Variants in SRPRA observed in about 807,000 individuals in gnomAD.
The protein encoded by SRPRA is signal recognition particle receptor subunit alpha.
A neutral mutation model predicts 61.1 loss-of-function variants in SRPRA; 30 were observed. The ratio of observed to expected loss-of-function variants is 0.49; its 90% confidence interval spans 0.37 to 0.67. The LOEUF is 0.67. SRPRA is among the 30% of genes least tolerant of loss of function. SRPRA has a pLI of 0.00. For synonymous variants in SRPRA, 324 were observed against 299.7 expected (o/e 1.08, Z -0.84); for missense variants, 759 against 828.4 (o/e 0.92, Z 1.03).
At chr11:126,242,437 A>T in the SRPRA span, among the ~76,000 whole-genome samples, 4 of 152,356 alleles carry the variant, frequency 2.6e-5, no homozygotes, top group East Asian at 5.8e-4. Context: ...CAAAAGAAAA[A>T]AAAAAGTGAA....
At position 126,264,133 on chromosome 11, in the gene SRPRA, T is replaced by C. The variant is rs749918855; in HGVS notation, c.1788+58A>G. The C allele has an allele frequency of 3.9e-5, 63 of 1,611,970 alleles. No individual in the cohort carries two copies. The highest frequency in any genetic ancestry group is 5.1e-5 in the Non-Finnish European group (60 of 1,178,650). Reference sequence around the variant, plus strand: ...AGGAAGCGCTGGAGCCAAGATTTCCTTGCAGCCTCAGCTCCTTTGTGCAGG... The same window carrying C: ...AGGAAGCGCTGGAGCCAAGATTTCCCTGCAGCCTCAGCTCCTTTGTGCAGG... On this transcript the variant is annotated intron_variant, in intron 13 of 13. Coordinates refer to ENST00000332118, the MANE Select transcript of SRPRA (RefSeq NM_003139.4). The surrounding 1 kb of genome is among the most constrained non-coding windows in gnomAD (Gnocchi z 5.0).
the SRPRA span, among the ~76,000 whole-genome samples, chr11:126,240,394 T>C: frequency 6.6e-6 from 1 of 152,154 alleles, no homozygotes; most frequent in East Asian, 1.9e-4. Flanking sequence ...GGGGTTCTTT[T>C]CTCTTTTTCT....
downstream of SRPRA, among the ~76,000 whole-genome samples, chr11:126,258,185 CAGG>C (rs1038660294): frequency 3.3e-5 from 5 of 152,124 alleles, no homozygotes; most frequent in African/African-American, 1.2e-4. Context: ...CACTTGAGGC[CAGG>C]AGTTCAAGAT....
At chr11:126,239,236 T>G in the SRPRA span, among the ~76,000 whole-genome samples, 1 of 152,180 alleles carries the variant, frequency 6.6e-6, no homozygotes, top group African/African-American at 2.4e-5. Context: ...GTGCTGAGAT[T>G]ACAGGCATGA....
Position 126,264,343 on chromosome 11 carries a change from A to G in SRPRA, c.1689+33T>C. ...GAACCATCTAAATTGACCAAAGCTCAAGTTGTAAAGGGAACTGGGCCCACG... is the reference window on the plus strand; with the variant it reads ...GAACCATCTAAATTGACCAAAGCTCGAGTTGTAAAGGGAACTGGGCCCACG... On this transcript the variant is annotated intron_variant, in intron 12 of 13. Coordinates refer to ENST00000332118, the MANE Select transcript of SRPRA (RefSeq NM_003139.4). This position sits in a 1 kb window ranked among gnomAD's most constrained non-coding sequence, Gnocchi z 5.0. 2.5e-6 allele frequency: 4 copies of G among 1,612,690 alleles called. No homozygotes were observed. In the South Asian group the frequency reaches 4.4e-5, roughly 18 times the overall value.
the SRPRA span, among the ~76,000 whole-genome samples, chr11:126,238,485 C>T: frequency 1.1e-4 from 17 of 152,284 alleles, no homozygotes; most frequent in Admixed American, 7.2e-4. Flanking sequence ...CATTTCCTAA[C>T]TGGATGGGGG....
At position 126,267,090 on chromosome 11, in the gene SRPRA, A is replaced by G; in HGVS notation, c.526+85T>C. 6.4e-7 allele frequency: 1 copy of G among 1,559,286 alleles called. No homozygotes were observed. The highest frequency in any genetic ancestry group is 2.2e-5 in the East Asian group (1 of 44,492). ...CCATTTGAGTGAGAAGCAGGTAAGC[A>G]ATGACAAAAGGAAGGACCACCTCAG... On this transcript the variant is annotated intron_variant, in intron 4 of 13. Coordinates refer to ENST00000332118, the MANE Select transcript of SRPRA (RefSeq NM_003139.4). The surrounding 1 kb of genome is among the most constrained non-coding windows in gnomAD (Gnocchi z 4.2).
At chr11:126,248,335 A>G in the SRPRA span, among the ~76,000 whole-genome samples, 2 of 115,668 alleles carry the variant, frequency 1.7e-5, no homozygotes, top group African/African-American at 3.4e-5. Context: ...CTAAAAAAGT[A>G]TCTGACCTTC....
At chr11:126,250,524 T>C in the SRPRA span, 2 of 1,613,628 alleles carry the variant, frequency 1.2e-6, no homozygotes, top group South Asian at 1.1e-5. This position sits in a 1 kb window ranked among gnomAD's most constrained non-coding sequence, Gnocchi z 5.1. Flanking sequence ...TAATGTTCGA[T>C]CCACATTTTT....
Position 126,263,748 on chromosome 11 carries a change from TGGC to T in SRPRA, c.*165_*167del. On this transcript the variant is annotated 3_prime_UTR_variant, in exon 14 of 14. Transcript: ENST00000332118. ...AACATGATTAGGCCTTCCTTGCAGA[TGGC>T]GGCTGTGCTGAACGGGGAGTGGGGT... 1.1e-6 allele frequency: 1 copy of T among 943,172 alleles called. No homozygotes were observed. The highest frequency in any genetic ancestry group is 1.6e-6 in the Non-Finnish European group (1 of 631,826). 58.4% of individuals were successfully genotyped at this position (943,172 alleles called of 1,614,324 possible). A position where few individuals can be genotyped will look rare whatever the true frequency, so the allele number is the denominator to read the frequency against.
chr11:126,267,585 G>A lies in SRPRA; in HGVS notation c.329C>T (p.Thr110Ile), dbSNP rs760734793. Residue 110 changes from threonine to isoleucine, a missense_variant, in exon 3 of 14, where the codon ACT (threonine) becomes ATT (isoleucine). Physicochemically the swap from Thr to Ile is moderately conservative, Grantham distance 89. This residue lies in a region of SRPRA where 475 missense variants were observed against 462.5 expected (regional missense o/e 1.03). Transcript: ENST00000332118. This position sits in a 1 kb window ranked among gnomAD's most constrained non-coding sequence, Gnocchi z 4.2. ...CAGGAAGTCATTTTGGAAATCAAAA[G>A]TGCCATTTAATAAACTTAAAGCACT... ...QQSALSLLNGTFDFQNDFLRL... is the reference protein window; with the variant it reads ...QQSALSLLNGIFDFQNDFLRL... The A allele has an allele frequency of 2.5e-5, 41 of 1,614,008 alleles. No homozygotes were observed. The highest frequency in any genetic ancestry group is 3.3e-5 in the Non-Finnish European group (39 of 1,180,046).
At chr11:126,241,339 T>C in the SRPRA span, 2 of 264,398 alleles carry the variant, frequency 7.6e-6, no homozygotes, top group Non-Finnish European at 1.4e-5. Flanking sequence ...GCATCACTAC[T>C]ATAAAAGCTG....
rs151003640 is a variant in SRPRA, at chr11:126,265,236, A to G, written c.1311+32T>C. On this transcript the variant is annotated intron_variant, in intron 10 of 13. Transcript: ENST00000332118. This position sits in a 1 kb window ranked among gnomAD's most constrained non-coding sequence, Gnocchi z 6.3. The stretch of plus-strand genomic sequence containing the variant: ...ATTTTGAGACACAAGAAGTACAGAA[A>G]TATCAGCGATAGGCTGGGGAACTGC... 8 of 1,613,700 alleles carry G rather than the reference A, an allele frequency of 5.0e-6. No homozygotes were observed. In the African/African-American group the frequency reaches 9.3e-5, roughly 19 times the overall value.
chr11:126,265,490 C>T lies in SRPRA; in HGVS notation c.1139-50G>A. 6.3e-7 allele frequency: 1 copy of T among 1,576,510 alleles called. No homozygotes were observed. Among genetic ancestry groups the T allele is most frequent in the Non-Finnish European group, 8.6e-7 (1 of 1,161,426 alleles). The stretch of plus-strand genomic sequence containing the variant: ...GCAGCTGTGAAACTCAAGGAATGCT[C>T]TCAAAAATGCCTAACACCTTTCTGA... On this transcript the variant is annotated intron_variant, in intron 9 of 13. Transcript: ENST00000332118. The surrounding 1 kb of genome is among the most constrained non-coding windows in gnomAD (Gnocchi z 6.3).
chr11:126,244,184 A>G, the SRPRA span, among the ~76,000 whole-genome samples: 23 of 152,344 alleles, frequency 1.5e-4, no homozygotes, highest in East Asian at 4.0e-3. The surrounding 1 kb of genome is among the most constrained non-coding windows in gnomAD (Gnocchi z 4.5). Context: ...ATCAGCAGCA[A>G]GACAAGGCTG....
At position 126,268,760 on chromosome 11, in the gene SRPRA, G is replaced by A; in HGVS notation, c.45C>T (p.Leu15=). 6.2e-7 allele frequency: 1 copy of A among 1,613,854 alleles called. No homozygotes were observed. The highest frequency in any genetic ancestry group is 2.2e-5 in the East Asian group (1 of 44,890). ...FTIFSKGGLV[L]WCFQGVSDSC... ...AGTCGCTAACGCCCTGGAAGCACCA[G>A]AGCACAAGCCCGCCCTTGGAGAAAA... is the stretch of plus-strand genomic sequence containing the variant. Residue 15 remains leucine (L), a synonymous_variant, in exon 1 of 14, where the codon CTC becomes CTT. Coordinates refer to ENST00000332118, the MANE Select transcript of SRPRA (RefSeq NM_003139.4).
intron 1 of SRPRA, among the ~76,000 whole-genome samples, 188 bp downstream of exon 1, chr11:126,268,499 CG>C (rs1373601930): frequency 7.3e-6 from 1 of 136,128 alleles, no homozygotes; most frequent in African/African-American, 2.7e-5. Flanking sequence ...ACACCAGAGG[CG>C]GGGGCCGTCA....
At chr11:126,248,358 C>CTTTTTGTTT in the SRPRA span, among the ~76,000 whole-genome samples, 1 of 36,966 alleles carries the variant, frequency 2.7e-5, no homozygotes, top group Non-Finnish European at 4.3e-5. Flanking sequence ...TAGTAGTTGA[C>CTTTTTGTTT]TTTTTTTTTT....
At chr11:126,240,712 G>A in the SRPRA span, 3 of 1,412,114 alleles carry the variant, frequency 2.1e-6, no homozygotes, top group South Asian at 1.6e-5. Flanking sequence ...GCTAAAAACT[G>A]TAACCTGAGT....
Sources: allele counts gnomAD v4.1 joint callset (sites outside exome capture counted in the v4.1 genomes callset), GRCh38; gene constraint gnomAD v4.1.1; regional missense constraint gnomAD v4.1.1; non-coding constraint Gnocchi (gnomAD v3.1); transcripts MANE v1.5; gene names NCBI Gene and HGNC (gene_info 2026-07-23, HGNC 2026-07-21).